HROB: variants seen among roughly 807,000 people sequenced by gnomAD.
HROB encodes homologous recombination OB-fold protein.
A neutral mutation model predicts 61.0 loss-of-function variants in HROB; 44 were observed. That is an observed-to-expected ratio of 0.72 (90% CI 0.57 to 0.93). The LOEUF is 0.93. Among genes scored for constraint, HROB ranks in the 40% least tolerant of loss-of-function variants. The pLI, the probability that HROB is intolerant of heterozygous loss-of-function variation, is 0.00. For missense variants in HROB, 716 were observed against 796.2 expected, an observed-to-expected ratio of 0.90 and a Z score of 1.21; for synonymous variants, 301 against 310.4, an observed-to-expected ratio of 0.97 and a Z score of 0.32.
chr17:44,161,218 G>C (rs2054131546), intron 9 of HROB, among the ~76,000 whole-genome samples: 1 of 131,936 alleles, frequency 7.6e-6, no homozygotes, highest in African/African-American at 3.2e-5. Flanking sequence ...AAAAAAAAAA[G>C]TTTGTTTCAG....
At position 44,149,038 on chromosome 17, in the gene HROB, T is replaced by C; in HGVS notation, c.1224+11T>C. 6.2e-7 allele frequency: 1 copy of C among 1,609,192 alleles called. No homozygotes were observed. Among genetic ancestry groups the C allele is most frequent in the East Asian group, 2.2e-5 (1 of 44,812 alleles). On this transcript the variant is annotated intron_variant, in intron 3 of 9. Transcript: ENST00000585683. ...ATCCTGCCTCACCAGGTGAGTGAGC[T>C]GGCTTTCTAGGATTTGGTGGGCAAG...
At position 44,148,763 on chromosome 17, in the gene HROB, C is replaced by T; in HGVS notation, c.960C>T (p.Pro320=). The change falls in exon 3 of 10, where the codon CCC becomes CCT. Residue 320 remains proline, a synonymous_variant. Transcript: ENST00000585683. ...GKAHLPRPRT[P]NSSCSTPSRT... Reference sequence around the variant, plus strand: ...CTCATTTACCCAGACCTCGAACTCCCAACTCAAGCTGTTCTACTCCCTCAA... The same window carrying T: ...CTCATTTACCCAGACCTCGAACTCCTAACTCAAGCTGTTCTACTCCCTCAA... 6.2e-7 allele frequency: 1 copy of T among 1,614,216 alleles called. No individual in the cohort carries two copies. Among genetic ancestry groups the T allele is most frequent in the Non-Finnish European group, 8.5e-7 (1 of 1,180,030 alleles).
chr17:44,154,970 C>G (rs1341151130), intron 7 of HROB, 32 bp downstream of exon 7: 11 of 1,601,766 alleles, frequency 6.9e-6, no homozygotes, highest in Non-Finnish European at 9.4e-6. Context: ...ACCACTGCCC[C>G]CCGGATAGAG....
intron 1 of HROB, 40 bp downstream of exon 1, chr17:44,142,185 G>GC: frequency 1.3e-6 from 2 of 1,492,824 alleles, no homozygotes; most frequent in Admixed American, 4.4e-5. Flanking sequence ...GGGCCGCAGG[G>GC]CCCCCTGGCC....
intron 2 of HROB, among the ~76,000 whole-genome samples, chr17:44,145,999 A>G (rs539360658): frequency 4.5e-4 from 68 of 152,208 alleles, no homozygotes; most frequent in Middle Eastern, 3.4e-3. Flanking sequence ...TGCATTAGCT[A>G]TTCTTCCTGA....
intron 8 of HROB, among the ~76,000 whole-genome samples, chr17:44,156,746 T>C (rs1484587917): frequency 2.0e-5 from 3 of 151,874 alleles, no homozygotes; most frequent in Non-Finnish European, 4.4e-5. Context: ...TCACTGCAAC[T>C]TCACCTCCCG....
chr17:44,161,820 A>C, intron 9 of HROB, 51 bp from the exon 10 acceptor site: 1 of 1,588,324 alleles, frequency 6.3e-7, no homozygotes, highest in Non-Finnish European at 8.6e-7. Context: ...CCTGAGTCAC[A>C]TGGAATGCTG....
chr17:44,151,581 G>C (rs969643114), intron 4 of HROB, among the ~76,000 whole-genome samples: 1 of 152,148 alleles, frequency 6.6e-6, no homozygotes, highest in Non-Finnish European at 1.5e-5. Flanking sequence ...ATCCAAAGCA[G>C]CAGATACTCT....
At chr17:44,142,959 CAG>C (rs1207484104) in intron 1 of HROB, among the ~76,000 whole-genome samples, 1 of 151,924 alleles carries the variant, frequency 6.6e-6, no homozygotes, top group African/African-American at 2.4e-5. Context: ...TTTTTTGAGA[CAG>C]AGTCTCACTC....
chr17:44,159,840 G>A (rs994848056), intron 9 of HROB, among the ~76,000 whole-genome samples: 2 of 152,248 alleles, frequency 1.3e-5, no homozygotes, highest in African/African-American at 4.8e-5. Flanking sequence ...CAGGTATACA[G>A]GCGGAACATG....
chr17:44,149,763 C>A (rs1012604148), intron 3 of HROB, among the ~76,000 whole-genome samples: 1 of 152,140 alleles, frequency 6.6e-6, no homozygotes, highest in African/African-American at 2.4e-5. Context: ...ACTGAGAATA[C>A]AGAGATTAAA....
intron 5 of HROB, 72 bp downstream of exon 5, chr17:44,152,849 C>G (rs1317932657): frequency 6.4e-7 from 1 of 1,557,990 alleles, no homozygotes; most frequent in East Asian, 2.3e-5. Flanking sequence ...CTGCCCTACT[C>G]CACCTTAGGA....
chr17:44,150,578 T>TG (rs1025996963), intron 3 of HROB, among the ~76,000 whole-genome samples: 66 of 152,002 alleles, frequency 4.3e-4, no homozygotes, highest in African/African-American at 1.4e-3. Context: ...TTGGTAGAGA[T>TG]GGGGGTTTCT....
chr17:44,143,081 C>T (rs1038664902), intron 1 of HROB, among the ~76,000 whole-genome samples: 7 of 152,256 alleles, frequency 4.6e-5, no homozygotes, highest in African/African-American at 1.4e-4. Context: ...GGATTACAGG[C>T]GGGCACCACC....
At chr17:44,154,829 T>C (rs1362625361) in intron 6 of HROB, 24 bp from the exon 7 acceptor site, 6 of 1,613,196 alleles carry the variant, frequency 3.7e-6, no homozygotes, top group Non-Finnish European at 5.1e-6. Context: ...ACCCCGAGAC[T>C]GATGGGCCAT....
chr17:44,150,936 ATCT>A (rs1182501857), intron 3 of HROB, 22 bp from the exon 4 acceptor site: 3 of 1,580,098 alleles, frequency 1.9e-6, no homozygotes, highest in Non-Finnish European at 2.6e-6. Context: ...GCTTGCTCTC[ATCT>A]TCTCCTTCCC....
intron 2 of HROB, among the ~76,000 whole-genome samples, chr17:44,147,050 A>T (rs72822668): frequency 0.022 from 1,318 of 58,850 alleles, 21 homozygotes; most frequent in African/African-American, 0.08. Flanking sequence ...TGTGTGTGTG[A>T]GAGAGAGAGA....
rs112098881 is a variant in HROB, at chr17:44,152,887, T to C, written c.1449+110T>C. 146 of 1,339,426 alleles carry C rather than the reference T, an allele frequency of 1.1e-4. 3 individuals are homozygous for C. In the South Asian group the frequency reaches 2.0e-3, roughly 18 times the overall value. 83.0% of individuals were successfully genotyped at this position (1,339,426 alleles called of 1,614,324 possible). ...GGGCTGTTTGCTCCCTCGTACCCTATACAAGTAGCAGCACGAAGCCCCTTT... is the reference window on the plus strand; with the variant it reads ...GGGCTGTTTGCTCCCTCGTACCCTACACAAGTAGCAGCACGAAGCCCCTTT... On this transcript the variant is annotated intron_variant, in intron 5 of 9. Coordinates refer to ENST00000585683, the MANE Select transcript of HROB (RefSeq NM_001171251.3).
At chr17:44,147,028 AGTGT>A (rs143062329) in intron 2 of HROB, among the ~76,000 whole-genome samples, 4 of 147,982 alleles carry the variant, frequency 2.7e-5, no homozygotes, top group African/African-American at 2.5e-5. Flanking sequence ...ATCTCTGTGT[AGTGT>A]GTGTGTGTGT....
Sources: allele counts gnomAD v4.1 joint callset (sites outside exome capture counted in the v4.1 genomes callset), GRCh38; gene constraint gnomAD v4.1.1; transcripts MANE v1.5; gene names NCBI Gene and HGNC (gene_info 2026-07-23, HGNC 2026-07-21).